ATAD1: variants seen among roughly 807,000 people sequenced by gnomAD.
ATAD1 encodes outer mitochondrial transmembrane helix translocase.
A neutral mutation model predicts 42.7 loss-of-function variants in ATAD1; 18 were observed. The ratio of observed to expected loss-of-function variants is 0.42; its 90% confidence interval spans 0.29 to 0.63. The LOEUF is 0.63. ATAD1 is among the 20% of genes least tolerant of loss of function. The pLI, the probability that ATAD1 is intolerant of heterozygous loss-of-function variation, is 0.19. For missense variants in ATAD1, 294 were observed against 440.4 expected (o/e 0.67, Z 2.98); for synonymous variants, 132 against 143.1 (o/e 0.92, Z 0.55).
intron 8 of ATAD1, chr10:87,759,646 A>G (rs1854389968): frequency 8.4e-6 from 3 of 356,244 alleles, no homozygotes; most frequent in Middle Eastern, 3.8e-4. Flanking sequence ...AAGAAAACAA[A>G]GAAAAGAAGA....
rs1225812840 is a variant in ATAD1, at chr10:87,790,345, A to G, written c.347T>C (p.Leu116Ser). The G allele has an allele frequency of 5.0e-6, 8 of 1,613,018 alleles. No individual in the cohort carries two copies. Residue 116 changes from leucine to serine, a missense_variant, in exon 4 of 10, where the codon TTG (leucine) becomes TCG (serine). Physicochemically the swap from Leu to Ser is moderately radical, Grantham distance 145. This residue lies in a region of ATAD1 where 121 missense variants were observed against 187.3 expected (regional missense o/e 0.65). Transcript: ENST00000680024. ...TVILPIKKKH[L>S]FENSRLLQPP... ...CTGCAGAAGCCTGGAATTCTCAAAC[A>G]AATGTTTCTTTTTGATAGGTAAGAT...
chr10:87,756,743 C>G, intron 9 of ATAD1, 46 bp downstream of exon 9: 1 of 1,484,020 alleles, frequency 6.7e-7, no homozygotes, highest in Non-Finnish European at 9.0e-7. Flanking sequence ...CCTAAAAGCT[C>G]TAAAAGATTT....
Position 87,784,360 on chromosome 10 carries a change from T to C in ATAD1, c.583+110A>G. ...ACATAGCATATTATGATGTTGGTTA[T>C]GTTCTTTGTTTTATTAACATGGCCT... On this transcript the variant is annotated intron_variant, in intron 5 of 9. Coordinates refer to ENST00000680024, the MANE Select transcript of ATAD1 (RefSeq NM_001321967.2). The C allele has an allele frequency of 5.1e-6, 5 of 988,422 alleles. No individual in the cohort carries two copies. In the South Asian group the frequency reaches 6.3e-5, roughly 12 times the overall value. 61.2% of individuals were successfully genotyped at this position (988,422 alleles called of 1,614,324 possible).
chr10:87,799,273 A>G (rs1368300942), intron 2 of ATAD1, among the ~76,000 whole-genome samples: 1 of 152,204 alleles, frequency 6.6e-6, no homozygotes, highest in African/African-American at 2.4e-5. Context: ...ATTAAAAACC[A>G]TAAATCCAGC....
intron 6 of ATAD1, among the ~76,000 whole-genome samples, chr10:87,773,320 T>G (rs538604786): frequency 1.3e-4 from 20 of 152,314 alleles, no homozygotes; most frequent in African/African-American, 4.3e-4. Flanking sequence ...GAAGAATATG[T>G]CATCAGTCAC....
chr10:87,776,245 T>C (rs1443260047), intron 6 of ATAD1, 76 bp downstream of exon 6: 5 of 1,068,776 alleles, frequency 4.7e-6, no homozygotes, highest in East Asian at 2.4e-5. Flanking sequence ...TACAAAAGCA[T>C]AGTAAGTAGC....
chr10:87,784,282 T>A (rs181931726), intron 5 of ATAD1, among the ~76,000 whole-genome samples, 188 bp downstream of exon 5: 1 of 152,308 alleles, frequency 6.6e-6, no homozygotes, highest in East Asian at 1.9e-4. Flanking sequence ...AAAACCTATC[T>A]ATCAAGTAGG....
chr10:87,757,844 C>T (rs753692274), intron 8 of ATAD1, among the ~76,000 whole-genome samples: 3 of 152,262 alleles, frequency 2.0e-5, no homozygotes, highest in East Asian at 3.9e-4. Context: ...AACAGCAACT[C>T]TACACAAGGA....
intron 2 of ATAD1, among the ~76,000 whole-genome samples, chr10:87,795,606 C>G (rs75793997): frequency 1.1e-4 from 17 of 151,674 alleles, no homozygotes; most frequent in African/African-American, 3.9e-4. Flanking sequence ...TTTGACTGTT[C>G]CAAATGATTT....
At chr10:87,776,509 C>A in intron 5 of ATAD1, 82 bp from the exon 6 acceptor site, 1 of 1,174,236 alleles carries the variant, frequency 8.5e-7, no homozygotes, top group Non-Finnish European at 1.2e-6. Context: ...CACTCTGTTG[C>A]CCAGGCTGGG....
intron 9 of ATAD1, among the ~76,000 whole-genome samples, chr10:87,755,193 T>A (rs1854166752): frequency 6.6e-6 from 1 of 152,234 alleles, no homozygotes; most frequent in Non-Finnish European, 1.5e-5. Flanking sequence ...AATCACGTTA[T>A]TCCCATGAAA....
At chr10:87,805,131 G>A (rs895380895) in intron 2 of ATAD1, among the ~76,000 whole-genome samples, 1 of 152,124 alleles carries the variant, frequency 6.6e-6, no homozygotes, top group Non-Finnish European at 1.5e-5. Flanking sequence ...TACTCAAAGT[G>A]TTCTACATCT....
At chr10:87,819,724 A>AT (rs1368007530), upstream of ATAD1, among the ~76,000 whole-genome samples, 3 of 152,244 alleles carry the variant, frequency 2.0e-5, no homozygotes, top group African/African-American at 7.2e-5. Context: ...TCATTGGAAC[A>AT]TAGGTCTGTC....
In ATAD1 at chr10:87,784,763, C is replaced by T. The variant is rs530432402; in HGVS notation, c.383-93G>A. On this transcript the variant is annotated intron_variant, in intron 4 of 9. Coordinates refer to ENST00000680024, the MANE Select transcript of ATAD1 (RefSeq NM_001321967.2). ...GAATAGTAATTCCTTCCACAAAAAA[C>T]TTTCCCAATATTCAATTCTGCTTTT... 6 of 1,199,902 alleles carry T rather than the reference C, an allele frequency of 5.0e-6. No homozygotes were observed. The East Asian group carries it at 1.5e-4, about 31-fold the overall frequency. 74.3% of individuals were successfully genotyped at this position (1,199,902 alleles called of 1,614,324 possible).
Position 87,776,502 on chromosome 10 carries a change from T to G in ATAD1, c.584-75A>C, listed in dbSNP as rs2131842026. 10 of 1,225,732 alleles carry G rather than the reference T, an allele frequency of 8.2e-6. No homozygotes were observed. In the South Asian group the frequency reaches 1.3e-4, roughly 16 times the overall value. 75.9% of individuals were successfully genotyped at this position (1,225,732 alleles called of 1,614,324 possible). A position where few individuals can be genotyped will look rare whatever the true frequency, so the allele number is the denominator to read the frequency against. On this transcript the variant is annotated intron_variant, in intron 5 of 9. Coordinates refer to ENST00000680024, the MANE Select transcript of ATAD1 (RefSeq NM_001321967.2). The stretch of plus-strand genomic sequence containing the variant: ...CCTTTTTTTTGAGACAGGGTCTCAC[T>G]CTGTTGCCCAGGCTGGGGTGCAATG...
At chr10:87,829,360 A>G (rs1857788629) in intron 1 of ATAD1, among the ~76,000 whole-genome samples, 1 of 151,700 alleles carries the variant, frequency 6.6e-6, no homozygotes, top group Admixed American at 6.6e-5. Context: ...GGTTCAAGCA[A>G]TTCTCCTGCC....
At chr10:87,836,417 A>T (rs538500616) in intron 1 of ATAD1, among the ~76,000 whole-genome samples, 1 of 152,292 alleles carries the variant, frequency 6.6e-6, no homozygotes, top group East Asian at 1.9e-4. Context: ...GAATGTGTTT[A>T]TTTCAAATTT....
chr10:87,795,869 T>C (rs1856363510), intron 2 of ATAD1, among the ~76,000 whole-genome samples: 1 of 152,176 alleles, frequency 6.6e-6, no homozygotes, highest in African/African-American at 2.4e-5. Flanking sequence ...AAGTTGGACA[T>C]GTCATTAACA....
chr10:87,785,978 T>C (rs1285278599), intron 4 of ATAD1, among the ~76,000 whole-genome samples: 2 of 152,170 alleles, frequency 1.3e-5, no homozygotes, highest in Non-Finnish European at 2.9e-5. Context: ...AATTGTATTT[T>C]CAAGCATTCT....
Sources: gnomAD v4.1 joint callset for allele counts (sites outside exome capture counted in the v4.1 genomes callset) on GRCh38, gnomAD v4.1.1 for gene constraint, gnomAD v4.1.1 regional missense constraint, MANE v1.5 for transcripts, NCBI Gene and HGNC (gene_info 2026-07-23, HGNC 2026-07-21) for gene names.